Variants in FBF1 observed in about 807,000 individuals in gnomAD.
FBF1 encodes fas-binding factor 1.
In FBF1, 119 loss-of-function variants were observed where a neutral mutation model predicts 147.2. That is an observed-to-expected ratio of 0.81 (90% confidence interval 0.70 to 0.94). The LOEUF (loss-of-function observed/expected upper bound fraction) is 0.94, where lower values mean the gene tolerates loss of function less well. FBF1 is among the 40% of genes least tolerant of loss of function. The pLI is 0.00. For synonymous variants in FBF1, 601 were observed against 609.0 expected (o/e 0.99, Z 0.19); for missense variants, 1,449 against 1,500.8 (o/e 0.97, Z 0.57).
At chr17:75,911,163 G>A (rs1490926248) in intron 29 of FBF1, among the ~76,000 whole-genome samples, 1 of 152,154 alleles carries the variant, frequency 6.6e-6, no homozygotes, top group African/African-American at 2.4e-5. Flanking sequence ...GCTCATGCCT[G>A]TAATCCTAGC....
In FBF1 at chr17:75,925,967, T is replaced by C; in HGVS notation, c.868+63A>G. ...GAGGCTGATTTCTCATTATAGGTTG[T>C]GATGAAAGCCTGATCTAGAGGCCTC... On this transcript the variant is annotated intron_variant, in intron 12 of 29. Transcript: ENST00000636174. This position sits in a 1 kb window ranked among gnomAD's most constrained non-coding sequence, Gnocchi z 5.0. 6.6e-7 allele frequency: 1 copy of C among 1,522,652 alleles called. No individual in the cohort carries two copies. 94.3% of individuals were successfully genotyped at this position (1,522,652 alleles called of 1,614,324 possible).
At chr17:75,935,150 A>G (rs913181083) in intron 4 of FBF1, among the ~76,000 whole-genome samples, 2 of 151,766 alleles carry the variant, frequency 1.3e-5, no homozygotes, top group Non-Finnish European at 2.9e-5. Flanking sequence ...ACTTTATGCT[A>G]TATAAATTAC....
chr17:75,929,901 G>C (rs1598159870), intron 7 of FBF1, 96 bp downstream of exon 7: 1 of 1,118,108 alleles, frequency 8.9e-7, no homozygotes, highest in South Asian at 1.3e-5. Flanking sequence ...GGTTGTAAAG[G>C]GAGAAATTAG....
chr17:75,927,586 C>G, intron 8 of FBF1, 54 bp from the exon 9 acceptor site: 1 of 1,512,748 alleles, frequency 6.6e-7, no homozygotes, highest in South Asian at 1.2e-5. Flanking sequence ...GGCCAAAGTC[C>G]TCCTCCCATA....
At position 75,912,307 on chromosome 17, in the gene FBF1, G is replaced by A; in HGVS notation, c.3248C>T (p.Ala1083Val). 1 of 1,584,266 alleles carries A rather than the reference G, an allele frequency of 6.3e-7. No homozygotes were observed. Residue 1083 changes from alanine to valine, a missense_variant and splice_region_variant, in exon 29 of 30, where the codon GCC (alanine) becomes GTC (valine). Physicochemically the swap from Ala to Val is moderately conservative, Grantham distance 64. Coordinates refer to ENST00000636174, the MANE Select transcript of FBF1 (RefSeq NM_001319193.2). ...GGTGGTGGGAGCAGGAGGCATGAGG[G>A]CTGAAAAGGCCAAGGAGGAAGTCAG... ...AQGPAASSQS[A>V]LMPPAPTTRW... is the part of the protein sequence containing the mutation.
chr17:75,914,803 C>A lies in FBF1; in HGVS notation c.2758G>T (p.Glu920Ter). The A allele has an allele frequency of 6.4e-7, 1 of 1,572,146 alleles. No individual in the cohort carries two copies. The highest frequency in any genetic ancestry group is 2.4e-5 in the East Asian group (1 of 42,156). ...TGGGTGTCCACCTGCAATGCCCGCT[C>A]GGCCTCGCGCTCGGCCCGCTCCTTA... Reference protein sequence around the residue: ...LSKERAEREAERALQVDTQRE... With the variant: ...LSKERAEREA The change falls in exon 25 of 30, where the codon GAG becomes TAG. Residue 920 changes from glutamate to a stop codon, truncating the protein, a stop_gained. Coordinates refer to ENST00000636174, the MANE Select transcript of FBF1 (RefSeq NM_001319193.2). LOFTEE classifies it high-confidence loss of function.
At position 75,923,450 on chromosome 17, in the gene FBF1, G is replaced by A. The variant is rs76114706; in HGVS notation, c.1160C>T (p.Thr387Met). The A allele has an allele frequency of 7.7e-5, 124 of 1,609,146 alleles. 1 individual carries two copies. In the African/African-American group the frequency reaches 1.0e-3, roughly 13 times the overall value. ...GCTCGCAGGAGGAGGCACTGAGGGC[G>A]TGACAGGCACTGAACTTTCCCGATG... Reference protein sequence around the residue: ...EAHRESSVPVTPSVPPPASQH... With the variant: ...EAHRESSVPVMPSVPPPASQH... Residue 387 changes from threonine to methionine, a missense_variant, in exon 14 of 30, where the codon ACG becomes ATG. Thr to Met is a moderately conservative substitution (Grantham distance 81). Transcript: ENST00000636174. The surrounding 1 kb of genome is among the most constrained non-coding windows in gnomAD (Gnocchi z 4.1).
Position 75,913,995 on chromosome 17 carries a change from A to T in FBF1, c.3047T>A (p.Val1016Glu). The part of the protein sequence containing the change: ...GERALREAQQ[V>E]QAEQQARLQA... ...CAACCGGGCCTGCTGCTCTGCCTGC[A>T]CCTGCTGGGCCTCGCGCAATGCCCG... The change falls in exon 27 of 30, where the codon GTG becomes GAG. Residue 1016 changes from valine (V) to glutamate (E), a missense_variant. Coordinates refer to ENST00000636174, the MANE Select transcript of FBF1 (RefSeq NM_001319193.2). The T allele has an allele frequency of 6.4e-7, 1 of 1,573,680 alleles. No homozygotes were observed. The highest frequency in any genetic ancestry group is 1.2e-5 in the South Asian group (1 of 86,788).
intron 3 of FBF1, 62 bp downstream of exon 3, chr17:75,937,504 A>G (rs778254145): frequency 3.8e-6 from 6 of 1,584,972 alleles, no homozygotes; most frequent in Admixed American, 1.7e-5. Context: ...TCATTGTTCC[A>G]GGACCAAAGG....
At chr17:75,932,880 A>T in intron 5 of FBF1, 115 bp downstream of exon 5, 2 of 309,800 alleles carry the variant, frequency 6.5e-6, no homozygotes, top group Non-Finnish European at 1.0e-5. Flanking sequence ...ATATTCTCTA[A>T]AAAAAAAAAA....
chr17:75,915,249 T>A lies in FBF1; in HGVS notation c.2506-110A>T. On this transcript the variant is annotated intron_variant, in intron 23 of 29. Transcript: ENST00000636174. The stretch of plus-strand genomic sequence containing the variant: ...ACCAGTGTCTCCCACACTATGCCAC[T>A]GACACGTCCTTCCCAAAGAGGCACA... 2.1e-6 allele frequency: 3 copies of A among 1,426,028 alleles called. No homozygotes were observed. The South Asian group carries it at 4.3e-5, about 20-fold the overall frequency. The allele number at this position is 1,426,028 out of a possible 1,614,324, so 88.3% of individuals were successfully genotyped here.
intron 3 of FBF1, 72 bp from the exon 4 acceptor site, chr17:75,935,745 G>C: frequency 6.9e-7 from 1 of 1,438,932 alleles, no homozygotes; most frequent in Non-Finnish European, 9.3e-7. Flanking sequence ...CAAGGCTTGA[G>C]ACTCGCCAGA....
At position 75,926,080 on chromosome 17, in the gene FBF1, G is replaced by C. The variant is rs1343940139; in HGVS notation, c.818C>G (p.Thr273Ser). 6.2e-7 allele frequency: 1 copy of C among 1,612,440 alleles called. No homozygotes were observed. The highest frequency in any genetic ancestry group is 8.5e-7 in the Non-Finnish European group (1 of 1,179,842). Residue 273 changes from threonine (T) to serine (S), a missense_variant, in exon 12 of 30, where the codon ACC becomes AGC. Coordinates refer to ENST00000636174, the MANE Select transcript of FBF1 (RefSeq NM_001319193.2). ...TAGCTTGAACTCCCTGTGCTCCCCG[G>C]TGCCCGGGCGGGCCAGGAGTTTGGT... ...MATKLLARPG[T>S]GEHREFKLDK...
chr17:75,916,433 A>C (rs891934838), intron 23 of FBF1, among the ~76,000 whole-genome samples: 3 of 152,218 alleles, frequency 2.0e-5, no homozygotes, highest in African/African-American at 7.2e-5. Context: ...CAGCCTGGGC[A>C]ACATGGCAAG....
At chr17:75,937,891 C>G (rs2065634550) in intron 2 of FBF1, 3 of 628,894 alleles carry the variant, frequency 4.8e-6, no homozygotes, top group Non-Finnish European at 8.4e-6. Flanking sequence ...GAAATGTCTT[C>G]TATTCCGTGC....
In FBF1 at chr17:75,922,312, T is replaced by A. The variant is rs1469545012; in HGVS notation, c.1425-266A>T. On this transcript the variant is annotated intron_variant, in intron 14 of 29. Coordinates refer to ENST00000636174, the MANE Select transcript of FBF1 (RefSeq NM_001319193.2). This position sits in a 1 kb window ranked among gnomAD's most constrained non-coding sequence, Gnocchi z 5.0. ...CCAAGCAGTGACAACGGAAATGTTATAGACACTGGAGTCAAGTTCAAGTTC... is the reference window on the plus strand; with the variant it reads ...CCAAGCAGTGACAACGGAAATGTTAAAGACACTGGAGTCAAGTTCAAGTTC... Among the ~76,000 whole-genome samples the A allele has an allele frequency of 6.6e-6, 1 of 152,156 alleles. No individual in the cohort carries two copies. Among genetic ancestry groups the A allele is most frequent in the East Asian group, 1.9e-4 (1 of 5,194 alleles).
chr17:75,925,362 C>A lies in FBF1; in HGVS notation c.953G>T (p.Arg318Leu), dbSNP rs190439091. 1 of 1,612,926 alleles carries A rather than the reference C, an allele frequency of 6.2e-7. No individual in the cohort carries two copies. The highest frequency in any genetic ancestry group is 2.2e-5 in the East Asian group (1 of 44,872). ...CCCCACTTACCTGACAGACTGCCGG[C>A]GGGACTGCCGGCCCTCAGAGGAGAC... ...TVVSSEGRQS[R>L]RQSVSRFFAD... The change falls in exon 13 of 30, where the codon CGC (arginine) becomes CTC (leucine). Residue 318 changes from arginine (R) to leucine (L), a missense_variant. Physicochemically the swap from Arg to Leu is moderately radical, Grantham distance 102. Transcript: ENST00000636174. The surrounding 1 kb of genome is among the most constrained non-coding windows in gnomAD (Gnocchi z 5.0).
In FBF1 at chr17:75,919,719, G is replaced by T; in HGVS notation, c.2087C>A (p.Ala696Asp). The T allele has an allele frequency of 6.2e-7, 1 of 1,612,706 alleles. No individual in the cohort carries two copies. Among genetic ancestry groups the T allele is most frequent in the Non-Finnish European group, 8.5e-7 (1 of 1,179,746 alleles). The change falls in exon 20 of 30, where the codon GCC (alanine) becomes GAC (aspartate). Residue 696 changes from alanine (A) to aspartate (D), a missense_variant. Ala to Asp is a moderately radical substitution (Grantham distance 126). Transcript: ENST00000636174. The surrounding 1 kb of genome is among the most constrained non-coding windows in gnomAD (Gnocchi z 5.0). ...LTAQHQRRLA[A>D]IAQEKDQEME... ...TTCCTGGTCCTTCTCCTGCGCTATG[G>T]CCGCCAAGCGCCGCTGGTGCTGGGC...
intron 13 of FBF1, among the ~76,000 whole-genome samples, chr17:75,924,581 T>C (rs2144176026): frequency 6.6e-6 from 1 of 152,204 alleles, no homozygotes; most frequent in East Asian, 1.9e-4. Context: ...GGATTCAAGC[T>C]ATTCTCCTGC....
Sources: allele counts gnomAD v4.1 joint callset (sites outside exome capture counted in the v4.1 genomes callset), GRCh38; gene constraint gnomAD v4.1.1; non-coding constraint Gnocchi (gnomAD v3.1); transcripts MANE v1.5; gene names NCBI Gene and HGNC (gene_info 2026-07-23, HGNC 2026-07-21).